The following NYX variants were observed in gnomAD, a reference collection of about 807,000 sequenced individuals.
NYX encodes the protein nyctalopin.
For missense variants in NYX, 481 were observed against 485.4 expected (o/e 0.99, Z 0.09); for synonymous variants, 258 against 245.7 (o/e 1.05, Z -0.47).
At chrX:41,467,191 T>C (rs528211285) in intron 2 of NYX, among the ~76,000 whole-genome samples, 85 of 110,786 alleles carry the variant, frequency 7.7e-4, no homozygotes, top group Non-Finnish European at 1.3e-3. Context: ...TCTGCCATGA[T>C]TGCAGTAGAA....
In NYX at chrX:41,474,550, G is replaced by A. The variant is rs1191218353; in HGVS notation, c.1082G>A (p.Gly361Asp). ...RVTDVPCASP[G>D]SVAGLDLSQV... Reference sequence around the variant, plus strand: ...ACCGACGTGCCGTGCGCCTCCCCGGGCTCCGTGGCCGGCCTGGACCTCAGC... The same window carrying A: ...ACCGACGTGCCGTGCGCCTCCCCGGACTCCGTGGCCGGCCTGGACCTCAGC... The change falls in exon 3 of 3, where the codon GGC becomes GAC. Residue 361 changes from glycine (G) to aspartate (D), a missense_variant. Coordinates refer to ENST00000378220, the MANE Select transcript of NYX (RefSeq NM_001378477.3). 1.7e-6 allele frequency: 2 copies of A among 1,200,207 alleles called. No individual in the cohort carries two copies. Among genetic ancestry groups the A allele is most frequent in the Non-Finnish European group, 2.2e-6 (2 of 890,772 alleles).
At chrX:41,448,568 T>C (rs990494578) in intron 2 of NYX, among the ~76,000 whole-genome samples, 2 of 102,946 alleles carry the variant, frequency 1.9e-5, no homozygotes, top group Non-Finnish European at 4.0e-5. Context: ...TTTTCTTTTT[T>C]TTTTTTTTTG....
intron 2 of NYX, among the ~76,000 whole-genome samples, chrX:41,467,016 C>A (rs189746498): frequency 1.0e-3 from 114 of 109,694 alleles, no homozygotes; most frequent in African/African-American, 3.6e-3. Context: ...GTTGGCCAGA[C>A]TGGTCTCGAA....
chrX:41,464,670 C>CATGTGT (rs779597303), intron 2 of NYX, among the ~76,000 whole-genome samples: 1 of 101,816 alleles, frequency 9.8e-6, no homozygotes, highest in Non-Finnish European at 2.0e-5. Context: ...ATGGGCCGTG[C>CATGTGT]GTGTGTGTGT....
At chrX:41,457,573 C>T (rs769466093) in intron 2 of NYX, among the ~76,000 whole-genome samples, 2 of 96,608 alleles carry the variant, frequency 2.1e-5, no homozygotes, top group Non-Finnish European at 4.2e-5. Flanking sequence ...TTGGCTCCTG[C>T]TCCCCCATAA....
At chrX:41,457,609 C>T (rs2064303760) in intron 2 of NYX, among the ~76,000 whole-genome samples, 3 of 111,617 alleles carry the variant, frequency 2.7e-5, no homozygotes, top group African/African-American at 9.8e-5. Flanking sequence ...GGCTTTGGTA[C>T]AAACTCCAGC....
intron 2 of NYX, among the ~76,000 whole-genome samples, chrX:41,459,864 CT>C (rs547264491): frequency 0.016 from 1,427 of 87,201 alleles, 31 homozygotes; most frequent in African/African-American, 0.054. Flanking sequence ...TTTTTGTGGA[CT>C]TTTTTTTTTT....
intron 2 of NYX, 91 bp downstream of exon 2, chrX:41,448,017 G>A: frequency 2.2e-6 from 2 of 903,376 alleles, no homozygotes; most frequent in Non-Finnish European, 3.2e-6. Context: ...TGGCTTCTGG[G>A]ACAGCGGTAT....
rs2064385301 is a variant in NYX, at chrX:41,475,013, C to T, written c.*114C>T. The T allele has an allele frequency of 5.8e-6, 4 of 690,711 alleles. No homozygotes were observed. Among genetic ancestry groups the T allele is most frequent in the Non-Finnish European group, 8.9e-6 (4 of 448,525 alleles). 56.9% of individuals were successfully genotyped at this position (690,711 alleles called of 1,213,427 possible). ...AATCCCAGTGGAGGGTGGAAGGAAC[C>T]GTTTGCCTCCAGAGATGGCCCCAGG... On this transcript the variant is annotated 3_prime_UTR_variant, in exon 3 of 3. Coordinates refer to ENST00000378220, the MANE Select transcript of NYX (RefSeq NM_001378477.3).
intron 2 of NYX, among the ~76,000 whole-genome samples, chrX:41,456,212 C>T (rs941688974): frequency 1.8e-5 from 2 of 111,173 alleles, no homozygotes; most frequent in African/African-American, 6.5e-5. Context: ...TGGTGCGTGC[C>T]AGTAGTCCCA....
chrX:41,463,670 C>G (rs2064328464), intron 2 of NYX, among the ~76,000 whole-genome samples: 2 of 111,217 alleles, frequency 1.8e-5, no homozygotes, highest in African/African-American at 6.5e-5. Context: ...ATCTGCCCGC[C>G]TCGGCCTCCC....
chrX:41,449,149 CTG>C (rs2064270266), intron 2 of NYX, among the ~76,000 whole-genome samples: 1 of 111,758 alleles, frequency 8.9e-6, no homozygotes, highest in Non-Finnish European at 1.9e-5. Context: ...CACAAAGAAT[CTG>C]TTTTTTTCTG....
chrX:41,473,865 C>A lies in NYX; in HGVS notation c.397C>A (p.Arg133Ser), dbSNP rs1318172774. ...ARTFAALSRL[R>S]RLDLAACRLF... Reference sequence around the variant, plus strand: ...CACCTTCGCGGCGCTCAGCCGCCTGCGCCGCCTAGACCTAGCAGCCTGCCG... The same window carrying A: ...CACCTTCGCGGCGCTCAGCCGCCTGAGCCGCCTAGACCTAGCAGCCTGCCG... The change falls in exon 3 of 3, where the codon CGC becomes AGC. Residue 133 changes from arginine to serine, a missense_variant. Physicochemically the swap from Arg to Ser is moderately radical, Grantham distance 110 (BLOSUM62 -1). Transcript: ENST00000378220. 9.0e-7 allele frequency: 1 copy of A among 1,114,671 alleles called. No individual in the cohort carries two copies. Among genetic ancestry groups the A allele is most frequent in the Non-Finnish European group, 1.2e-6 (1 of 854,319 alleles). The allele number at this position is 1,114,671 out of a possible 1,213,427, so 91.9% of individuals were successfully genotyped here.
At chrX:41,455,097 T>C (rs1345027919) in intron 2 of NYX, among the ~76,000 whole-genome samples, 1 of 109,950 alleles carries the variant, frequency 9.1e-6, no homozygotes, top group Non-Finnish European at 1.9e-5. Context: ...TCTGAGGTTT[T>C]TGTTTTTTTG....
Position 41,474,480 on chromosome X carries a change from C to T in NYX, c.1012C>T (p.Arg338Cys), listed in dbSNP as rs2064380852. The T allele has an allele frequency of 1.7e-6, 2 of 1,209,268 alleles. No individual in the cohort carries two copies. The highest frequency in any genetic ancestry group is 2.2e-6 in the Non-Finnish European group (2 of 895,332). ...LFRNPWCCDCRLEWLRDWMEG... is the reference protein window; with the variant it reads ...LFRNPWCCDCCLEWLRDWMEG... ...CCGCAACCCGTGGTGCTGCGACTGC[C>T]GTCTGGAGTGGCTGAGGGACTGGAT... The change falls in exon 3 of 3, where the codon CGT becomes TGT. Residue 338 changes from arginine to cysteine, a missense_variant. Arg to Cys is a radical substitution (Grantham distance 180). Transcript: ENST00000378220.
intron 2 of NYX, among the ~76,000 whole-genome samples, chrX:41,458,844 C>G (rs1416223890): frequency 9.8e-6 from 1 of 102,149 alleles, no homozygotes; most frequent in Non-Finnish European, 2.0e-5. Context: ...CTTTGGGAGA[C>G]CAAAGTGGGC....
chrX:41,461,717 T>A (rs2064320779), intron 2 of NYX, among the ~76,000 whole-genome samples: 1 of 111,850 alleles, frequency 8.9e-6, no homozygotes, highest in Non-Finnish European at 1.9e-5. Context: ...TTTTTGATTA[T>A]GGCCATTCTT....
intron 2 of NYX, among the ~76,000 whole-genome samples, chrX:41,459,384 C>T (rs1212377299): frequency 2.7e-5 from 3 of 110,026 alleles, no homozygotes; most frequent in East Asian, 2.9e-4. Flanking sequence ...TTTGGGAGGC[C>T]GAGGCAGGTG....
At chrX:41,470,583 ACTCGGGTGG>A (rs1190660670) in intron 2 of NYX, among the ~76,000 whole-genome samples, 1 of 107,549 alleles carries the variant, frequency 9.3e-6, no homozygotes, top group Non-Finnish European at 1.9e-5. Flanking sequence ...AATCCCAGCT[ACTCGGGTGG>A]CTGAGGCAGA....
Sources: allele counts gnomAD v4.1 joint callset (sites outside exome capture counted in the v4.1 genomes callset), GRCh38; gene constraint gnomAD v4.1.1; transcripts MANE v1.5; gene names NCBI Gene and HGNC (gene_info 2026-07-23, HGNC 2026-07-21).